The following NYAP2 variants were observed in gnomAD, a reference collection of about 807,000 sequenced individuals.
NYAP2 encodes the protein neuronal tyrosine-phosphorylated phosphoinositide-3-kinase adapter 2.
A neutral mutation model predicts 50.4 loss-of-function variants in NYAP2; 23 were observed. The observed-to-expected ratio is 0.46, with a 90% CI of 0.33 to 0.65. The LOEUF (loss-of-function observed/expected upper bound fraction) is 0.65, where lower values mean the gene tolerates loss of function less well. Ranked by LOEUF, NYAP2 falls within the 30% of genes least tolerant of loss-of-function variation. The pLI, the probability that NYAP2 is intolerant of heterozygous loss-of-function variation, is 0.02. For missense variants in NYAP2, 885 were observed against 861.0 expected, an observed-to-expected ratio of 1.03 and a Z score of -0.35; for synonymous variants, 394 against 365.2, an observed-to-expected ratio of 1.08 and a Z score of -0.90.
chr2:225,703,125 G>A, the NYAP2 span: 2 of 151,694 alleles, frequency 1.3e-5, no homozygotes, highest in African/African-American at 4.8e-5. Context: ...ATGTGTTTAC[G>A]TATTTAGCAG....
chr2:225,531,633 T>C (rs1003569824), intron 4 of NYAP2, among the ~76,000 whole-genome samples: 6 of 152,228 alleles, frequency 3.9e-5, no homozygotes, highest in African/African-American at 1.4e-4. Context: ...GACTAATTAC[T>C]ATGAAGAGTT....
Position 225,462,686 on chromosome 2 carries a change from C to T in NYAP2, c.222-50685C>T, listed in dbSNP as rs181338584. Among the ~76,000 whole-genome samples, 215 of 152,276 alleles carry T rather than the reference C, an allele frequency of 1.4e-3. 1 individual carries two copies. The highest frequency in any genetic ancestry group is 4.9e-3 in the African/African-American group (204 of 41,548). ...CTTCGCAAATGTGAATGACCTGAATCAGAGCACAATCAGAATGTCAGACAA... is the reference window on the plus strand; with the variant it reads ...CTTCGCAAATGTGAATGACCTGAATTAGAGCACAATCAGAATGTCAGACAA... On this transcript the variant is annotated intron_variant, in intron 3 of 6. Transcript: ENST00000636099.
chr2:225,407,909 A>C (rs1388080430), intron 2 of NYAP2, among the ~76,000 whole-genome samples: 1 of 151,902 alleles, frequency 6.6e-6, no homozygotes, highest in Admixed American at 6.6e-5. Flanking sequence ...TATTGCTGCC[A>C]GTTCATACTT....
At chr2:225,480,886 G>T (rs920155229) in intron 3 of NYAP2, among the ~76,000 whole-genome samples, 1 of 152,084 alleles carries the variant, frequency 6.6e-6, no homozygotes, top group African/African-American at 2.4e-5. Flanking sequence ...CATGTATCCA[G>T]ATATTTTCAG....
At chr2:225,435,959 A>G (rs1460346019) in intron 3 of NYAP2, among the ~76,000 whole-genome samples, 1 of 152,194 alleles carries the variant, frequency 6.6e-6, no homozygotes, top group African/African-American at 2.4e-5. Context: ...GGTGGTTGCA[A>G]TCATTAAATG....
chr2:225,645,364 T>C (rs763985818), intron 6 of NYAP2, among the ~76,000 whole-genome samples: 1 of 152,206 alleles, frequency 6.6e-6, no homozygotes, highest in African/African-American at 2.4e-5. Context: ...ATTGTCTTGA[T>C]AATTGTTTAC....
intron 4 of NYAP2, among the ~76,000 whole-genome samples, chr2:225,566,578 C>A (rs535984798): frequency 1.3e-5 from 2 of 152,344 alleles, no homozygotes; most frequent in African/African-American, 4.8e-5. Flanking sequence ...TAGCATCATG[C>A]ATTTTCCATG....
chr2:225,459,284 A>G (rs776690959), intron 3 of NYAP2, among the ~76,000 whole-genome samples: 2 of 152,330 alleles, frequency 1.3e-5, no homozygotes, highest in Non-Finnish European at 2.9e-5. Context: ...TATGCACAAC[A>G]ATGCAGTGTT....
At chr2:225,695,395 G>C in the NYAP2 span, among the ~76,000 whole-genome samples, 2 of 151,818 alleles carry the variant, frequency 1.3e-5, no homozygotes, top group African/African-American at 4.8e-5. Context: ...ACTTAAAGAA[G>C]TTTGGAGGTT....
intron 6 of NYAP2, among the ~76,000 whole-genome samples, chr2:225,637,616 T>C (rs756645308): frequency 6.6e-6 from 1 of 152,176 alleles, no homozygotes; most frequent in Non-Finnish European, 1.5e-5. Flanking sequence ...GAGGAGCAAA[T>C]GCATAACAGA....
intron 2 of NYAP2, among the ~76,000 whole-genome samples, chr2:225,402,947 A>G (rs1694887873): frequency 6.6e-6 from 1 of 152,030 alleles, no homozygotes; most frequent in South Asian, 2.1e-4. Flanking sequence ...GTCCTATGTG[A>G]AGTCAGCAAA....
chr2:225,422,608 T>C (rs1244193317), intron 3 of NYAP2, among the ~76,000 whole-genome samples: 1 of 151,610 alleles, frequency 6.6e-6, no homozygotes, highest in Non-Finnish European at 1.5e-5. Flanking sequence ...AAAAAAAGAC[T>C]GGCAGGGAGT....
chr2:225,595,739 G>T (rs1164164445), intron 5 of NYAP2, among the ~76,000 whole-genome samples: 1 of 151,986 alleles, frequency 6.6e-6, no homozygotes, highest in East Asian at 1.9e-4. Context: ...TAATCAAATT[G>T]CCCACTGATG....
chr2:225,666,472 A>G, the NYAP2 span, among the ~76,000 whole-genome samples: 2 of 152,178 alleles, frequency 1.3e-5, no homozygotes, highest in Admixed American at 6.5e-5. Flanking sequence ...TGAGACATCA[A>G]TGAAATACAT....
chr2:225,536,726 G>A (rs1178653681), intron 4 of NYAP2, among the ~76,000 whole-genome samples: 2 of 151,310 alleles, frequency 1.3e-5, no homozygotes, highest in African/African-American at 4.9e-5. Context: ...ATTGACTATA[G>A]TCATCCTATT....
chr2:225,668,298 C>A, the NYAP2 span, among the ~76,000 whole-genome samples: 1 of 152,044 alleles, frequency 6.6e-6, no homozygotes, highest in Admixed American at 6.6e-5. Context: ...CATGTGATGA[C>A]CTTCTCCAAG....
chr2:225,409,827 G>A (rs981513288), intron 3 of NYAP2, among the ~76,000 whole-genome samples: 3 of 152,018 alleles, frequency 2.0e-5, no homozygotes, highest in Admixed American at 1.3e-4. Flanking sequence ...GTGTCTTCTG[G>A]TGGTACAGAG....
At chr2:225,521,350 C>G in intron 4 of NYAP2, among the ~76,000 whole-genome samples, 1 of 151,310 alleles carries the variant, frequency 6.6e-6, no homozygotes, top group Non-Finnish European at 1.5e-5. Flanking sequence ...CTGTCTTGTG[C>G]CAGTTTTCAA....
chr2:225,579,929 T>C (rs1284386254), intron 4 of NYAP2, among the ~76,000 whole-genome samples: 1 of 152,238 alleles, frequency 6.6e-6, no homozygotes, highest in African/African-American at 2.4e-5. Flanking sequence ...TATTTCTGTA[T>C]GATGAAATTA....
Sources: gnomAD v4.1 joint callset for allele counts (sites outside exome capture counted in the v4.1 genomes callset) on GRCh38, gnomAD v4.1.1 for gene constraint, MANE v1.5 for transcripts, NCBI Gene and HGNC (gene_info 2026-07-23, HGNC 2026-07-21) for gene names.